RPTOR: variants seen among roughly 807,000 people sequenced by gnomAD.
The protein encoded by RPTOR is regulatory associated protein of MTOR complex 1, also known as regulatory-associated protein of mTOR.
Under a neutral mutation model 169.9 loss-of-function variants are expected in RPTOR, and 21 were observed. That is an observed-to-expected ratio of 0.12 (90% CI 0.09 to 0.18). The LOEUF is 0.18. Among genes scored for constraint, RPTOR ranks in the 10% least tolerant of loss-of-function variants. The pLI is 1.00. For synonymous variants in RPTOR, 732 were observed against 753.2 expected, an observed-to-expected ratio of 0.97 and a Z score of 0.46; for missense variants, 1,133 against 1,855.9, an observed-to-expected ratio of 0.61 and a Z score of 7.16.
At chr17:80,831,364 T>C (rs936245944) in intron 9 of RPTOR, among the ~76,000 whole-genome samples, 1 of 151,986 alleles carries the variant, frequency 6.6e-6, no homozygotes, top group African/African-American at 2.4e-5. Flanking sequence ...TTCTGTGGAG[T>C]CCGTTATTGC....
At chr17:80,908,790 T>C in intron 20 of RPTOR, 21 bp from the exon 21 acceptor site, 1 of 1,572,752 alleles carries the variant, frequency 6.4e-7, no homozygotes, top group Non-Finnish European at 8.8e-7. Flanking sequence ...CACTAAAACA[T>C]CTTCCATTTC....
rs745461662 is a variant in RPTOR, at chr17:80,959,837, G to A, written c.3478-241G>A. Among the ~76,000 whole-genome samples, 1 of 152,210 alleles carries A rather than the reference G, an allele frequency of 6.6e-6. No individual in the cohort carries two copies. The highest frequency in any genetic ancestry group is 1.5e-5 in the Non-Finnish European group (1 of 68,026). On this transcript the variant is annotated intron_variant, in intron 29 of 33. Transcript: ENST00000306801. This position sits in a 1 kb window ranked among gnomAD's most constrained non-coding sequence, Gnocchi z 6.7. The stretch of plus-strand genomic sequence containing the variant: ...CCAGGCGCCTCAGGGCCTCAGGGCT[G>A]TCCCTCCAGGGCCAAGGGATAAGGG...
chr17:80,549,925 G>A (rs1179884005), intron 1 of RPTOR, among the ~76,000 whole-genome samples: 1 of 152,220 alleles, frequency 6.6e-6, no homozygotes, highest in Non-Finnish European at 1.5e-5. Flanking sequence ...TACATGTGTA[G>A]GGGATGAAAC....
At chr17:80,915,283 A>C (rs569568326) in intron 21 of RPTOR, among the ~76,000 whole-genome samples, 5 of 125,288 alleles carry the variant, frequency 4.0e-5, no homozygotes, top group African/African-American at 9.1e-5. Flanking sequence ...TACCCACTCC[A>C]GGGTCTCCTC....
At chr17:80,683,969 G>A (rs746709781) in intron 3 of RPTOR, among the ~76,000 whole-genome samples, 2 of 152,142 alleles carry the variant, frequency 1.3e-5, no homozygotes, top group Non-Finnish European at 1.5e-5. Context: ...TCAACATGCC[G>A]CTCAGTTGCC....
chr17:80,822,883 G>A lies in RPTOR; in HGVS notation c.992-196G>A, dbSNP rs115310824. Reference sequence around the variant, plus strand: ...CATGTATGTATGCATGTGTGCATGTGTGTACATTTGTGCACGTGTGTGTAT... The same window carrying A: ...CATGTATGTATGCATGTGTGCATGTATGTACATTTGTGCACGTGTGTGTAT... On this transcript the variant is annotated intron_variant, in intron 8 of 33. Transcript: ENST00000306801. Among the ~76,000 whole-genome samples, 371 of 152,130 alleles carry A rather than the reference G, an allele frequency of 2.4e-3. 2 individuals carry two copies. The highest frequency in any genetic ancestry group is 8.5e-3 in the African/African-American group (351 of 41,504).
intron 5 of RPTOR, among the ~76,000 whole-genome samples, chr17:80,742,710 ACACACC>A (rs2066495615): frequency 1.3e-5 from 2 of 151,970 alleles, no homozygotes; most frequent in Non-Finnish European, 2.9e-5. Flanking sequence ...GACACCATAG[ACACACC>A]CACACACATA....
rs142491200 is a variant in RPTOR, at chr17:80,892,793, C to T, written c.2166C>T (p.Ser722=). 6.2e-6 allele frequency: 10 copies of T among 1,614,084 alleles called. No homozygotes were observed. The African/African-American group carries it at 1.1e-4, about 17-fold the overall frequency. ...PCTPRLRSVS[S]YGNIRAVATA... ...CCCCCAGACTTCGTTCTGTGAGCTC[C>T]TATGGAAACATCCGTGCTGTCGCCA... Residue 722 remains serine, a synonymous_variant, in exon 19 of 34, where the codon TCC becomes TCT. Coordinates refer to ENST00000306801, the MANE Select transcript of RPTOR (RefSeq NM_020761.3).
chr17:80,731,917 C>T (rs907936626), intron 5 of RPTOR, among the ~76,000 whole-genome samples: 12 of 152,068 alleles, frequency 7.9e-5, no homozygotes, highest in Admixed American at 2.0e-4. Flanking sequence ...TGTGGAACAC[C>T]GCAAAAGAGT....
At chr17:80,927,673 ATGTG>A (rs1295305507) in intron 24 of RPTOR, among the ~76,000 whole-genome samples, 4 of 139,054 alleles carry the variant, frequency 2.9e-5, no homozygotes, top group African/African-American at 1.1e-4. Context: ...TGTCTGTGTG[ATGTG>A]TGTGTGTATC....
intron 21 of RPTOR, among the ~76,000 whole-genome samples, chr17:80,913,025 C>T (rs950372523): frequency 7.2e-5 from 11 of 152,040 alleles, no homozygotes; most frequent in African/African-American, 2.2e-4. Context: ...TGTGTGTGCA[C>T]GCGTGTGTGT....
intron 1 of RPTOR, among the ~76,000 whole-genome samples, chr17:80,606,018 T>G (rs1203016195): frequency 6.6e-6 from 1 of 152,146 alleles, no homozygotes; most frequent in East Asian, 1.9e-4. Context: ...TAGACTTTTG[T>G]TTTTGTTTTT....
intron 20 of RPTOR, among the ~76,000 whole-genome samples, chr17:80,906,113 G>A (rs1416895433): frequency 6.6e-6 from 1 of 152,068 alleles, no homozygotes; most frequent in Non-Finnish European, 1.5e-5. Flanking sequence ...GTGGAGCTAG[G>A]CGGTAGCGAA....
At chr17:80,896,764 G>T (rs755988312) in intron 20 of RPTOR, among the ~76,000 whole-genome samples, 3 of 152,202 alleles carry the variant, frequency 2.0e-5, no homozygotes, top group Non-Finnish European at 4.4e-5. Context: ...TGAATTGGTG[G>T]ATTTCCCTGG....
intron 1 of RPTOR, among the ~76,000 whole-genome samples, chr17:80,577,799 G>A (rs1272036456): frequency 6.6e-6 from 1 of 152,214 alleles, no homozygotes; most frequent in East Asian, 1.9e-4. Context: ...CCTTCCTGGA[G>A]GGAGAGGGTG....
intron 6 of RPTOR, among the ~76,000 whole-genome samples, chr17:80,760,300 CTTTTTTCTTTT>C (rs1346398190): frequency 1.1e-4 from 11 of 96,494 alleles, no homozygotes; most frequent in East Asian, 9.4e-4. Context: ...TTTCTTTTTT[CTTTTTTCTTTT>C]TTTTTTTTTT....
chr17:80,780,935 A>AT (rs890285747), intron 6 of RPTOR, among the ~76,000 whole-genome samples: 48 of 152,244 alleles, frequency 3.2e-4, no homozygotes, highest in African/African-American at 1.0e-3. Flanking sequence ...CTTGTGTGTG[A>AT]TTTTTTATGT....
In RPTOR at chr17:80,562,811, C is replaced by T. The variant is rs56873925; in HGVS notation, c.162+17020C>T. 0.24 allele frequency among the ~76,000 whole-genome samples: 36,469 copies of T among 152,100 alleles called. 5,336 individuals are homozygous for T. Among genetic ancestry groups the T allele is most frequent in the East Asian group, 0.42 (2,181 of 5,170 alleles). ...AACAAAAAACAAAAACAAAGTAGAT[C>T]GGACAAGCAGTTTAAAGATATATCA... On this transcript the variant is annotated intron_variant, in intron 1 of 33. Transcript: ENST00000306801. The surrounding 1 kb of genome is among the most constrained non-coding windows in gnomAD (Gnocchi z 4.4).
intron 1 of RPTOR, among the ~76,000 whole-genome samples, chr17:80,588,231 C>T (rs945834844): frequency 4.0e-5 from 6 of 149,630 alleles, no homozygotes; most frequent in African/African-American, 2.5e-5. Context: ...GGTGTAATCT[C>T]GGCTCACTGC....
Sources: allele counts gnomAD v4.1 joint callset (sites outside exome capture counted in the v4.1 genomes callset), GRCh38; gene constraint gnomAD v4.1.1; non-coding constraint Gnocchi (gnomAD v3.1); transcripts MANE v1.5; gene names NCBI Gene and HGNC (gene_info 2026-07-23, HGNC 2026-07-21).